Variants in ENPP1 observed in about 807,000 individuals in gnomAD.
The protein encoded by ENPP1 is ectonucleotide pyrophosphatase/phosphodiesterase 1.
ENPP1 carries 73 observed loss-of-function variants against 122.8 expected under a neutral mutation model. That is an observed-to-expected ratio of 0.59 (90% confidence interval 0.49 to 0.72). ENPP1 has a LOEUF of 0.72. Ranked by LOEUF, ENPP1 falls within the 30% of genes least tolerant of loss-of-function variation. The probability of loss-of-function intolerance (pLI) is 0.00; values close to 1 mark genes in which losing one functional copy is unlikely to be tolerated. For synonymous variants in ENPP1, 367 were observed against 391.6 expected (o/e 0.94, Z 0.74); for missense variants, 978 against 1,128.1 (o/e 0.87, Z 1.91).
chr6:131,828,374 T>C (rs1037019283), intron 1 of ENPP1: 4 of 394,992 alleles, frequency 1.0e-5, no homozygotes, highest in Non-Finnish European at 2.0e-5. Context: ...GATGACTGGG[T>C]GTCTGCTAGT....
chr6:131,881,324 T>G (rs1467834885), intron 20 of ENPP1, among the ~76,000 whole-genome samples: 1 of 152,124 alleles, frequency 6.6e-6, no homozygotes, highest in Non-Finnish European at 1.5e-5. Context: ...TTAAAAAAAT[T>G]TTTGACTTTG....
chr6:131,823,977 C>T (rs1426531970), intron 1 of ENPP1, among the ~76,000 whole-genome samples: 3 of 150,164 alleles, frequency 2.0e-5, no homozygotes, highest in Middle Eastern at 3.4e-3. Context: ...GATGGTAGAT[C>T]GGGGTTCAAT....
At position 131,858,703 on chromosome 6, in the gene ENPP1, G is replaced by T. The variant is rs1048093688; in HGVS notation, c.751G>T (p.Val251Leu). 1.9e-6 allele frequency: 3 copies of T among 1,611,762 alleles called. No individual in the cohort carries two copies. Among genetic ancestry groups the T allele is most frequent in the Non-Finnish European group, 2.5e-6 (3 of 1,178,058 alleles). The change falls in exon 7 of 25, where the codon GTA becomes TTA. Residue 251 changes from valine (V) to leucine (L), a missense_variant. Coordinates refer to ENST00000647893, the MANE Select transcript of ENPP1 (RefSeq NM_006208.3). ...AACATATACTAAAAACATGAGACCG[G>T]TATATCCAACAAAAACTTTCCCCAA... is the stretch of plus-strand genomic sequence containing the variant. Reference protein sequence around the residue: ...CGTYTKNMRPVYPTKTFPNHY... With the variant: ...CGTYTKNMRPLYPTKTFPNHY...
In ENPP1 at chr6:131,885,066, A is replaced by G; in HGVS notation, c.2444+3A>G. Reference sequence around the variant, plus strand: ...GATTCCTTAGAGAATCTGAGGCAGTAAGAACATATTTCATTACTCTTAAAA... The same window carrying G: ...GATTCCTTAGAGAATCTGAGGCAGTGAGAACATATTTCATTACTCTTAAAA... On this transcript the variant is annotated splice_donor_region_variant and intron_variant, in intron 23 of 24. Coordinates refer to ENST00000647893, the MANE Select transcript of ENPP1 (RefSeq NM_006208.3). 1 of 1,613,940 alleles carries G rather than the reference A, an allele frequency of 6.2e-7. No homozygotes were observed. The highest frequency in any genetic ancestry group is 8.5e-7 in the Non-Finnish European group (1 of 1,179,820).
chr6:131,861,612 G>C lies in ENPP1; in HGVS notation c.933G>C (p.Lys311Asn). ...YKGEPIWVTA[K>N]YQGLKSGTFF... Reference sequence around the variant, plus strand: ...TGCTCCAGATTTGGGTCACAGCTAAGTATCAAGGCCTCAAGTCTGGCACAT... The same window carrying C: ...TGCTCCAGATTTGGGTCACAGCTAACTATCAAGGCCTCAAGTCTGGCACAT... Residue 311 changes from lysine (K) to asparagine (N), a missense_variant, in exon 9 of 25, where the codon AAG becomes AAC. Coordinates refer to ENST00000647893, the MANE Select transcript of ENPP1 (RefSeq NM_006208.3). The C allele has an allele frequency of 6.2e-7, 1 of 1,612,366 alleles. No individual in the cohort carries two copies. Among genetic ancestry groups the C allele is most frequent in the Non-Finnish European group, 8.5e-7 (1 of 1,178,436 alleles).
chr6:131,839,723 C>G (rs939243108), intron 1 of ENPP1, among the ~76,000 whole-genome samples: 1 of 152,096 alleles, frequency 6.6e-6, no homozygotes, highest in Non-Finnish European at 1.5e-5. Context: ...ATTACCCATT[C>G]TGTTTTATCA....
At chr6:131,828,213 G>A (rs377733502) in intron 1 of ENPP1, 9 of 565,950 alleles carry the variant, frequency 1.6e-5, no homozygotes, top group Admixed American at 5.8e-5. Flanking sequence ...GATGTTCCAA[G>A]GCATGGTGCA....
At chr6:131,842,318 G>T (rs1781751783) in intron 1 of ENPP1, among the ~76,000 whole-genome samples, 1 of 152,144 alleles carries the variant, frequency 6.6e-6, no homozygotes, top group South Asian at 2.1e-4. Context: ...TCCTACCTCT[G>T]TGGCTTTGCA....
chr6:131,889,244 T>C (rs1782429705), intron 24 of ENPP1, among the ~76,000 whole-genome samples: 1 of 152,178 alleles, frequency 6.6e-6, no homozygotes, highest in Non-Finnish European at 1.5e-5. Flanking sequence ...ACTTTTAAGT[T>C]CAGGGGTACA....
intron 12 of ENPP1, 137 bp from the exon 13 acceptor site, chr6:131,869,221 C>T: frequency 6.3e-6 from 5 of 789,060 alleles, no homozygotes; most frequent in Non-Finnish European, 8.5e-6. Context: ...TCTGTCTTAC[C>T]TATCAGATCT....
chr6:131,839,676 A>C (rs1585806977), intron 1 of ENPP1, among the ~76,000 whole-genome samples: 1 of 152,300 alleles, frequency 6.6e-6, no homozygotes, highest in Non-Finnish European at 1.5e-5. Context: ...CCCATCCATC[A>C]AGTGTAGATT....
Position 131,886,551 on chromosome 6 carries a change from A to T in ENPP1, c.2445-11A>T. 1 of 1,597,806 alleles carries T rather than the reference A, an allele frequency of 6.3e-7. No individual in the cohort carries two copies. Among genetic ancestry groups the T allele is most frequent in the Non-Finnish European group, 8.6e-7 (1 of 1,165,370 alleles). ...TTTCTTTCTTAAAATGAATATTGGC[A>T]TGTTTTACAGAAAAAGAAGAGTCAT... On this transcript the variant is annotated splice_polypyrimidine_tract_variant and intron_variant, in intron 23 of 24. Coordinates refer to ENST00000647893, the MANE Select transcript of ENPP1 (RefSeq NM_006208.3).
chr6:131,840,489 G>C (rs775226647), intron 1 of ENPP1, among the ~76,000 whole-genome samples: 5 of 152,230 alleles, frequency 3.3e-5, no homozygotes, highest in Non-Finnish European at 5.9e-5. Flanking sequence ...AGTCCTTTCA[G>C]TGATTGGATA....
intron 14 of ENPP1, among the ~76,000 whole-genome samples, chr6:131,872,559 G>C (rs78847794): frequency 0.014 from 2,081 of 152,114 alleles, 51 homozygotes; most frequent in African/African-American, 0.048. Flanking sequence ...CACTTACAAG[G>C]ATGTTTGAAA....
intron 20 of ENPP1, among the ~76,000 whole-genome samples, chr6:131,881,770 C>A (rs1220556026): frequency 1.3e-5 from 2 of 152,108 alleles, no homozygotes; most frequent in East Asian, 3.9e-4. Flanking sequence ...GTAATCCCAG[C>A]ACTTTGAGGG....
intron 21 of ENPP1, among the ~76,000 whole-genome samples, chr6:131,883,089 T>G (rs558764310): frequency 1.3e-5 from 2 of 152,302 alleles, no homozygotes; most frequent in African/African-American, 4.8e-5. Flanking sequence ...ATGGCAAATT[T>G]GTATGTTGAT....
chr6:131,847,856 GGTGTGTGTGT>G lies in ENPP1; in HGVS notation c.313+37_313+46del, dbSNP rs59956343. On this transcript the variant is annotated intron_variant, in intron 2 of 24. Transcript: ENST00000647893. ...CAAGCTGTGCCAAAGAAGGTAATTA[GGTGTGTGTGT>G]GTGTGTGTGTGTGTGTGTGTGTGTG... 165 of 1,181,986 alleles carry G rather than the reference GGTGTGTGTGT, an allele frequency of 1.4e-4. No homozygotes were observed. Among genetic ancestry groups the G allele is most frequent in the African/African-American group, 2.2e-4 (13 of 58,706 alleles). 73.2% of individuals were successfully genotyped at this position (1,181,986 alleles called of 1,614,324 possible). A position where few individuals can be genotyped will look rare whatever the true frequency, so the allele number is the denominator to read the frequency against.
Position 131,890,614 on chromosome 6 carries a change from A to T in ENPP1, c.*103A>T. ...GCATTGTTCAGAAACTGTCGACCAG[A>T]GTTAGAACGGAGCCCTCGGTGATGC... On this transcript the variant is annotated 3_prime_UTR_variant, in exon 25 of 25. Coordinates refer to ENST00000647893, the MANE Select transcript of ENPP1 (RefSeq NM_006208.3). 9.3e-7 allele frequency: 1 copy of T among 1,071,452 alleles called. No homozygotes were observed. The highest frequency in any genetic ancestry group is 1.4e-6 in the Non-Finnish European group (1 of 698,624). 66.4% of individuals were successfully genotyped at this position (1,071,452 alleles called of 1,614,324 possible).
At chr6:131,886,221 C>A (rs1782375375) in intron 23 of ENPP1, among the ~76,000 whole-genome samples, 3 of 152,050 alleles carry the variant, frequency 2.0e-5, no homozygotes. Context: ...TTAAGACTAT[C>A]AATAATGGTT....
Sources: allele counts gnomAD v4.1 joint callset (sites outside exome capture counted in the v4.1 genomes callset), GRCh38; gene constraint gnomAD v4.1.1; transcripts MANE v1.5; gene names NCBI Gene and HGNC (gene_info 2026-07-23, HGNC 2026-07-21).